PHC3: variants seen among roughly 807,000 people sequenced by gnomAD.
PHC3 encodes the protein polyhomeotic homolog 3, also known as polyhomeotic-like protein 3.
Under a neutral mutation model 107.4 loss-of-function variants are expected in PHC3, and 13 were observed. The ratio of observed to expected loss-of-function variants is 0.12; its 90% CI spans 0.08 to 0.19. PHC3 has a LOEUF of 0.19. PHC3 is among the 10% of genes least tolerant of loss of function. The pLI is 1.00. For missense variants in PHC3, 992 were observed against 1,210.9 expected (o/e 0.82, Z 2.68); for synonymous variants, 456 against 427.4 (o/e 1.07, Z -0.83).
intron 7 of PHC3, among the ~76,000 whole-genome samples, chr3:170,131,560 G>T (rs1722265941): frequency 6.6e-6 from 1 of 152,144 alleles, no homozygotes; most frequent in Admixed American, 6.5e-5. Context: ...CTGGCTGGGC[G>T]CAATGGCTCA....
At chr3:170,172,373 AT>A (rs1325268812) in intron 3 of PHC3, among the ~76,000 whole-genome samples, 183 bp downstream of exon 3, 1 of 135,758 alleles carries the variant, frequency 7.4e-6, no homozygotes, top group Admixed American at 7.8e-5. Context: ...ACAGAGTAAC[AT>A]AAAAAAACAT....
Position 170,106,879 on chromosome 3 carries a change from A to G in PHC3, c.2421T>C (p.Asn807=), listed in dbSNP as rs767441722. The G allele has an allele frequency of 1.7e-5, 27 of 1,612,712 alleles. 1 individual carries two copies. In the Admixed American group the frequency reaches 4.5e-4, roughly 27 times the overall value. ...AGAATCGTTTTGACCGCAAAAATTC[A>G]TTAGCATATCCCATTTTCCCACAGA... is the stretch of plus-strand genomic sequence containing the variant. The part of the protein sequence containing the change: ...CEFCGKMGYA[N]EFLRSKRFCT... The change falls in exon 12 of 15, where the codon AAT becomes AAC. Residue 807 remains asparagine (N), a synonymous_variant. Transcript: ENST00000495893.
chr3:170,128,929 G>A lies in PHC3; in HGVS notation c.1543C>T (p.Pro515Ser). 6.2e-7 allele frequency: 1 copy of A among 1,614,026 alleles called. No individual in the cohort carries two copies. Among genetic ancestry groups the A allele is most frequent in the South Asian group, 1.1e-5 (1 of 91,074 alleles). Reference protein sequence around the residue: ...QSSPIPIASPPQMSTSPPAQI... With the variant: ...QSSPIPIASPSQMSTSPPAQI... ...GCTGGAGGAGATGTCGACATCTGTGGAGGACTTGCAATTGGGATTGGAGAG... is the reference window on the plus strand; with the variant it reads ...GCTGGAGGAGATGTCGACATCTGTGAAGGACTTGCAATTGGGATTGGAGAG... The change falls in exon 8 of 15, where the codon CCA becomes TCA. Residue 515 changes from proline to serine, a missense_variant. This residue lies in a region of PHC3 where 543 missense variants were observed against 590.8 expected (regional missense o/e 0.92). Coordinates refer to ENST00000495893, the MANE Select transcript of PHC3 (RefSeq NM_024947.4).
chr3:170,180,651 G>C (rs1731241126), intron 1 of PHC3, among the ~76,000 whole-genome samples: 1 of 151,494 alleles, frequency 6.6e-6, no homozygotes, highest in African/African-American at 2.4e-5. Context: ...TTAGTGGTAG[G>C]TAAGGTAAAC....
At chr3:170,125,396 C>T (rs1721084674) in intron 8 of PHC3, among the ~76,000 whole-genome samples, 1 of 152,100 alleles carries the variant, frequency 6.6e-6, no homozygotes, top group Non-Finnish European at 1.5e-5. Context: ...GATAATTAAA[C>T]AAGTATGGTT....
intron 12 of PHC3, among the ~76,000 whole-genome samples, chr3:170,106,490 T>C (rs1176069962): frequency 2.0e-5 from 3 of 152,196 alleles, no homozygotes; most frequent in African/African-American, 4.8e-5. Context: ...ACTAGTATTA[T>C]ATAATCATGA....
intron 1 of PHC3, 159 bp downstream of exon 1, chr3:170,181,543 G>C (rs1731434474): frequency 9.4e-7 from 1 of 1,068,110 alleles, no homozygotes; most frequent in Non-Finnish European, 1.4e-6. Context: ...TTCGCCCCGC[G>C]ACACGGGCCT....
chr3:170,129,573 A>G, intron 7 of PHC3, 21 bp from the exon 8 acceptor site: 1 of 1,587,136 alleles, frequency 6.3e-7, no homozygotes, highest in Non-Finnish European at 8.6e-7. Flanking sequence ...AAAAAATGAC[A>G]ATTAGTACTG....
intron 4 of PHC3, among the ~76,000 whole-genome samples, chr3:170,159,367 T>A (rs1465023941): frequency 6.7e-6 from 1 of 148,156 alleles, no homozygotes; most frequent in Non-Finnish European, 1.5e-5. Flanking sequence ...AACAAGAAAA[T>A]GCTCTGAGAA....
At chr3:170,177,667 T>A (rs1053926149) in intron 2 of PHC3, among the ~76,000 whole-genome samples, 2 of 43,166 alleles carry the variant, frequency 4.6e-5, no homozygotes, top group Non-Finnish European at 9.2e-5. Flanking sequence ...ACGCCCAGCA[T>A]TTTTTTTTTT....
chr3:170,121,136 T>C (rs1256145483), intron 9 of PHC3, among the ~76,000 whole-genome samples: 1 of 152,188 alleles, frequency 6.6e-6, no homozygotes, highest in Non-Finnish European at 1.5e-5. Flanking sequence ...TCTTTTGTTT[T>C]CAATCATTCA....
At chr3:170,146,083 T>C (rs1724884403) in intron 5 of PHC3, among the ~76,000 whole-genome samples, 2 of 152,150 alleles carry the variant, frequency 1.3e-5, no homozygotes, top group African/African-American at 2.4e-5. Flanking sequence ...TAAAGAAATA[T>C]TCATTCTATG....
chr3:170,149,615 C>T (rs377621261), intron 4 of PHC3, among the ~76,000 whole-genome samples: 77 of 152,132 alleles, frequency 5.1e-4, no homozygotes, highest in Non-Finnish European at 8.8e-4. Context: ...CCACCACGCC[C>T]GGCTAATTTT....
rs1433322334 is a variant in PHC3, at chr3:170,149,142, T to A, written c.517A>T (p.Ser173Cys). 6.2e-7 allele frequency: 1 copy of A among 1,613,152 alleles called. No homozygotes were observed. Among genetic ancestry groups the A allele is most frequent in the East Asian group, 2.2e-5 (1 of 44,896 alleles). The change falls in exon 5 of 15, where the codon AGT becomes TGT. Residue 173 changes from serine to cysteine, a missense_variant. This residue lies in a region of PHC3 where 35 missense variants were observed against 73.6 expected (regional missense o/e 0.48). Transcript: ENST00000495893. ...SITQQTMLLGSTSPTLTASQA... is the reference protein window; with the variant it reads ...SITQQTMLLGCTSPTLTASQA... ...CTTGCCGTTAGGGTAGGGGAAGTAC[T>A]CCCTAGTAACATAGTCTGTTGGGTA...
At chr3:170,180,293 T>TA (rs777148520) in intron 1 of PHC3, among the ~76,000 whole-genome samples, 2 of 150,586 alleles carry the variant, frequency 1.3e-5, no homozygotes, top group Non-Finnish European at 3.0e-5. Flanking sequence ...AAATGAAAAA[T>TA]AAAAAATTAG....
At chr3:170,129,622 A>G in intron 7 of PHC3, 70 bp from the exon 8 acceptor site, 1 of 1,377,130 alleles carries the variant, frequency 7.3e-7, no homozygotes, top group East Asian at 2.3e-5. Flanking sequence ...ACTCTAAAGG[A>G]AAAAGTGTTC....
At chr3:170,154,172 A>C (rs959916243) in intron 4 of PHC3, among the ~76,000 whole-genome samples, 6 of 152,182 alleles carry the variant, frequency 3.9e-5, no homozygotes, top group African/African-American at 1.2e-4. Flanking sequence ...ATTCATCTTC[A>C]TATATCCAGT....
At chr3:170,177,479 G>A (rs967031217) in intron 2 of PHC3, among the ~76,000 whole-genome samples, 7 of 152,058 alleles carry the variant, frequency 4.6e-5, no homozygotes, top group Non-Finnish European at 8.8e-5. Flanking sequence ...TGATACTCCT[G>A]CCTCAGCCTC....
At chr3:170,102,300 G>A (rs1715627863) in intron 14 of PHC3, 179 bp downstream of exon 14, 6 of 985,432 alleles carry the variant, frequency 6.1e-6, no homozygotes, top group Non-Finnish European at 7.2e-6. Flanking sequence ...AAAATACCCA[G>A]TAGTGCTGAG....
Sources: allele counts gnomAD v4.1 joint callset (sites outside exome capture counted in the v4.1 genomes callset), GRCh38; gene constraint gnomAD v4.1.1; regional missense constraint gnomAD v4.1.1; transcripts MANE v1.5; gene names NCBI Gene and HGNC (gene_info 2026-07-23, HGNC 2026-07-21).